PTK2: variants seen among roughly 807,000 people sequenced by gnomAD.
The protein encoded by PTK2 is protein tyrosine kinase 2.
In PTK2, 45 loss-of-function variants were observed where a neutral mutation model predicts 150.1. That is an observed-to-expected ratio of 0.30 (90% CI 0.24 to 0.38). PTK2 has a LOEUF of 0.38. Among genes scored for constraint, PTK2 ranks in the 10% least tolerant of loss-of-function variants. The pLI is 1.00. For synonymous variants in PTK2, 432 were observed against 449.2 expected, an observed-to-expected ratio of 0.96 and a Z score of 0.48; for missense variants, 919 against 1,307.3, an observed-to-expected ratio of 0.70 and a Z score of 4.58.
intron 14 of PTK2, among the ~76,000 whole-genome samples, chr8:140,782,254 T>G (rs57555262): frequency 0.038 from 5,308 of 138,038 alleles, 308 homozygotes; most frequent in African/African-American, 0.13. Context: ...TTTTTTTTTT[T>G]GGGGGGGGGG....
intron 7 of PTK2, among the ~76,000 whole-genome samples, chr8:140,837,019 A>AC (rs2100119041): frequency 6.6e-6 from 1 of 152,190 alleles, no homozygotes; most frequent in African/African-American, 2.4e-5. Flanking sequence ...AGAAATCCTA[A>AC]TTTTAACACT....
intron 1 of PTK2, among the ~76,000 whole-genome samples, chr8:140,999,957 G>C (rs2100199344): frequency 6.6e-6 from 1 of 150,382 alleles, no homozygotes. Flanking sequence ...TAGTCTCATT[G>C]CCAAAAACCC....
intron 29 of PTK2, 125 bp from the exon 33 acceptor site, chr8:140,669,860 G>A: frequency 8.7e-7 from 1 of 1,154,106 alleles, no homozygotes; most frequent in Non-Finnish European, 1.2e-6. Flanking sequence ...GAACAAAAAG[G>A]AGCTAGTTTC....
intron 5 of PTK2, among the ~76,000 whole-genome samples, chr8:140,854,210 C>T (rs893340773): frequency 6.6e-6 from 1 of 152,212 alleles, no homozygotes; most frequent in Non-Finnish European, 1.5e-5. Flanking sequence ...GGTGGACATA[C>T]TCATTCTAAG....
chr8:140,739,042 A>G (rs1388184593), exon 21 of PTK2: 6 of 1,579,928 alleles, frequency 3.8e-6, no homozygotes, highest in Non-Finnish European at 8.6e-7. Flanking sequence ...TCACTAGCTG[A>G]GGTAAAACGT....
chr8:140,744,615 C>A, intron 19 of PTK2, 37 bp downstream of exon 22: 1 of 1,359,792 alleles, frequency 7.4e-7, no homozygotes, highest in South Asian at 1.4e-5. Flanking sequence ...CACTACTTTT[C>A]AGAAGGGAAC....
At chr8:140,787,044 G>A (rs942933172) in intron 14 of PTK2, among the ~76,000 whole-genome samples, 4 of 152,072 alleles carry the variant, frequency 2.6e-5, no homozygotes, top group African/African-American at 9.7e-5. Context: ...GCTAAGCTGA[G>A]GAGCCCAAAC....
At chr8:140,823,319 T>C (rs1267329675) in intron 8 of PTK2, among the ~76,000 whole-genome samples, 2 of 152,224 alleles carry the variant, frequency 1.3e-5, no homozygotes, top group African/African-American at 4.8e-5. Flanking sequence ...ACTTTGTACC[T>C]AATTCCCAAC....
intron 2 of PTK2, among the ~76,000 whole-genome samples, chr8:140,919,233 C>T (rs1310819883): frequency 3.3e-5 from 5 of 152,206 alleles, no homozygotes; most frequent in East Asian, 3.8e-4. Context: ...ATCTTTTATA[C>T]GTGTGAGCTC....
At chr8:140,752,150 T>C (rs1005148890) in intron 17 of PTK2, 82 bp downstream of exon 20, 21 of 1,202,554 alleles carry the variant, frequency 1.7e-5, no homozygotes, top group Non-Finnish European at 2.6e-5. Context: ...CAAAACACTA[T>C]TTTTCTTATT....
intron 15 of PTK2, among the ~76,000 whole-genome samples, chr8:140,761,995 T>C (rs189922447): frequency 1.3e-5 from 2 of 152,256 alleles, no homozygotes; most frequent in Non-Finnish European, 2.9e-5. Context: ...CCATTAAGAA[T>C]GTAATAGATT....
chr8:140,886,993 C>T (rs1040750058), intron 3 of PTK2, among the ~76,000 whole-genome samples: 1 of 152,196 alleles, frequency 6.6e-6, no homozygotes, highest in Non-Finnish European at 1.5e-5. Context: ...ATTGACCCCA[C>T]ACTTATCTCT....
intron 2 of PTK2, among the ~76,000 whole-genome samples, chr8:140,900,677 G>A (rs946499239): frequency 2.4e-4 from 37 of 151,800 alleles, no homozygotes; most frequent in Admixed American, 1.2e-3. Context: ...AGCCGAGATC[G>A]TGCCACTGCA....
rs765792463 is a variant in PTK2, at chr8:140,931,928, CAAAAAAAAAA to C, written c.-121-6189_-121-6180del. On this transcript the variant is annotated intron_variant, in intron 1 of 31. Coordinates refer to ENST00000522684, the Ensembl canonical transcript of PTK2. ...AGCCTGGGCGACAGAGACCCAGTCT[CAAAAAAAAAA>C]AAAAAAAAAAAAAAAAGCTGCATTA... Among the ~76,000 whole-genome samples the C allele has an allele frequency of 6.9e-3, 376 of 54,648 alleles. 1 individual carries two copies. The highest frequency in any genetic ancestry group is 0.024 in the African/African-American group (328 of 13,938). 35.9% of individuals were successfully genotyped at this position (54,648 alleles called of 152,430 possible). A position where few individuals can be genotyped will look rare whatever the true frequency, so the allele number is the denominator to read the frequency against.
At chr8:140,887,398 A>G (rs2100152691) in intron 3 of PTK2, among the ~76,000 whole-genome samples, 1 of 152,232 alleles carries the variant, frequency 6.6e-6, no homozygotes, top group South Asian at 2.1e-4. Context: ...GATTTTGCCT[A>G]TAAACTGTGA....
At chr8:140,665,151 GCTC>G (rs1196793686) in intron 30 of PTK2, among the ~76,000 whole-genome samples, 154 bp from the exon 35 acceptor site, 1 of 151,938 alleles carries the variant, frequency 6.6e-6, no homozygotes, top group Non-Finnish European at 1.5e-5. Context: ...AAGTTATGAG[GCTC>G]CTTTTTCTCC....
intron 16 of PTK2, among the ~76,000 whole-genome samples, chr8:140,756,032 G>T (rs2100065487): frequency 6.6e-6 from 1 of 152,030 alleles, no homozygotes; most frequent in African/African-American, 2.4e-5. Flanking sequence ...ACACAAGAAA[G>T]AAATTCAACA....
At chr8:140,984,912 T>C (rs985980734) in intron 1 of PTK2, among the ~76,000 whole-genome samples, 1 of 152,108 alleles carries the variant, frequency 6.6e-6, no homozygotes, top group African/African-American at 2.4e-5. Flanking sequence ...ATGAATCTAG[T>C]GCACGGTTAA....
intron 1 of PTK2, among the ~76,000 whole-genome samples, chr8:140,988,833 ATGG>A (rs2154610181): frequency 6.6e-6 from 1 of 152,178 alleles, no homozygotes; most frequent in African/African-American, 2.4e-5. Context: ...TTTTCAATAA[ATGG>A]TGTTGGGATA....
Sources: gnomAD v4.1 joint callset for allele counts (sites outside exome capture counted in the v4.1 genomes callset) on GRCh38, gnomAD v4.1.1 for gene constraint, MANE v1.5 for transcripts, NCBI Gene and HGNC (gene_info 2026-07-23, HGNC 2026-07-21) for gene names.